PKN2: variants seen among roughly 807,000 people sequenced by gnomAD.
PKN2 encodes serine/threonine-protein kinase N2.
In PKN2, 38 loss-of-function variants were observed where a neutral mutation model predicts 119.1. The ratio of observed to expected loss-of-function variants is 0.32; its 90% CI spans 0.25 to 0.42. The LOEUF (loss-of-function observed/expected upper bound fraction) is 0.42, where lower values mean the gene tolerates loss of function less well. Among genes scored for constraint, PKN2 ranks in the 10% least tolerant of loss-of-function variants. The probability of loss-of-function intolerance (pLI) is 1.00; values close to 1 mark genes in which losing one functional copy is unlikely to be tolerated. For missense variants in PKN2, 850 were observed against 1,165.1 expected, an observed-to-expected ratio of 0.73 and a Z score of 3.94; for synonymous variants, 390 against 384.9, an observed-to-expected ratio of 1.01 and a Z score of -0.15.
Position 88,735,262 on chromosome 1 carries a change from G to T in PKN2, c.49-5726G>T, listed in dbSNP as rs529392379. Among the ~76,000 whole-genome samples, 163 of 152,176 alleles carry T rather than the reference G, an allele frequency of 1.1e-3. No individual in the cohort carries two copies. In the South Asian group the frequency reaches 0.011, roughly 10 times the overall value. On this transcript the variant is annotated intron_variant, in intron 1 of 21. Transcript: ENST00000370521. ...CAGTCTTGATCTCATGGACTTGAAT[G>T]ATCCTCCCACCCCAGCCTCCCAAGT... is the stretch of plus-strand genomic sequence containing the variant.
rs1185269021 is a variant in PKN2 at position 88,835,927 on chromosome 1, T to C, written c.*2479T>C. 1 of 152,134 alleles carries C rather than the reference T, an allele frequency of 6.6e-6. No individual in the cohort carries two copies. Among genetic ancestry groups the C allele is most frequent in the Non-Finnish European group, 1.5e-5 (1 of 67,994 alleles). The allele number at this position is 152,134 out of a possible 1,614,324, so 9.4% of individuals were successfully genotyped here. A position where few individuals can be genotyped will look rare whatever the true frequency, so the allele number is the denominator to read the frequency against. On this transcript the variant is annotated 3_prime_UTR_variant, in exon 22 of 22. Coordinates refer to ENST00000370521, the MANE Select transcript of PKN2 (RefSeq NM_006256.4). ...TAATAAACATTCTTGCAAGTACTTTTTGTCCTAGTGAAGGCTTAAAACCAT... is the reference window on the plus strand; with the variant it reads ...TAATAAACATTCTTGCAAGTACTTTCTGTCCTAGTGAAGGCTTAAAACCAT...
intron 12 of PKN2, 36 bp from the exon 13 acceptor site, chr1:88,807,277 A>AT: frequency 7.6e-7 from 1 of 1,317,070 alleles, no homozygotes; most frequent in South Asian, 1.5e-5. Context: ...TTTTCTGGGT[A>AT]TTTCTATGGA....
chr1:88,740,950 C>T, intron 1 of PKN2, 38 bp from the exon 2 acceptor site: 2 of 1,438,062 alleles, frequency 1.4e-6, no homozygotes. Flanking sequence ...AGCCAACTCT[C>T]CTAAACTCCC....
intron 20 of PKN2, 84 bp downstream of exon 20, chr1:88,832,935 A>G: frequency 8.3e-7 from 1 of 1,211,192 alleles, no homozygotes; most frequent in Non-Finnish European, 1.2e-6. Context: ...AGAACTTTAA[A>G]AGCTGTTTTT....
intron 2 of PKN2, among the ~76,000 whole-genome samples, chr1:88,753,999 C>A (rs1040563763): frequency 6.7e-6 from 1 of 150,332 alleles, no homozygotes; most frequent in Admixed American, 6.6e-5. Flanking sequence ...TTGAAGGTAC[C>A]CTTTTCTGAC....
intron 17 of PKN2, among the ~76,000 whole-genome samples, chr1:88,822,411 T>C (rs572306781): frequency 3.9e-5 from 6 of 152,238 alleles, no homozygotes; most frequent in Admixed American, 6.5e-5. Flanking sequence ...AGAAGCCTTA[T>C]TGTCAACTGA....
At position 88,763,492 on chromosome 1, in the gene PKN2, A is replaced by G. The variant is rs2100786666; in HGVS notation, c.504+3116A>G. ...CATGGTGGTGCATGCCTGTAATCCC[A>G]GCTACTTGGGAGACTGAGGCAAGAG... On this transcript the variant is annotated intron_variant, in intron 3 of 21. Coordinates refer to ENST00000370521, the MANE Select transcript of PKN2 (RefSeq NM_006256.4). Among the ~76,000 whole-genome samples, 2 of 151,960 alleles carry G rather than the reference A, an allele frequency of 1.3e-5. 1 individual carries two copies. Among genetic ancestry groups the G allele is most frequent in the South Asian group, 4.2e-4 (2 of 4,816 alleles).
At chr1:88,742,024 T>A (rs544529517) in intron 2 of PKN2, among the ~76,000 whole-genome samples, 3 of 152,080 alleles carry the variant, frequency 2.0e-5, no homozygotes, top group Non-Finnish European at 4.4e-5. Context: ...AGATAAAAAA[T>A]TCTATATTTG....
intron 2 of PKN2, among the ~76,000 whole-genome samples, chr1:88,748,853 T>C (rs1668876443): frequency 6.6e-6 from 1 of 152,146 alleles, no homozygotes; most frequent in Non-Finnish European, 1.5e-5. Flanking sequence ...GAGTATTACT[T>C]GAGCCTGAGA....
In PKN2 at chr1:88,759,272, A is replaced by G. The variant is rs563434030; in HGVS notation, c.350-950A>G. Among the ~76,000 whole-genome samples, 4 of 152,298 alleles carry G rather than the reference A, an allele frequency of 2.6e-5. No homozygotes were observed. The East Asian group carries it at 5.8e-4, about 22-fold the overall frequency. ...CAGCTATTCAGGAGGCTGAGGCAGGAGAATCGCTTGAACCTGGGAGGCAGA... is the reference window on the plus strand; with the variant it reads ...CAGCTATTCAGGAGGCTGAGGCAGGGGAATCGCTTGAACCTGGGAGGCAGA... On this transcript the variant is annotated intron_variant, in intron 2 of 21. Coordinates refer to ENST00000370521, the MANE Select transcript of PKN2 (RefSeq NM_006256.4).
chr1:88,822,682 G>A (rs1268537548), intron 17 of PKN2, among the ~76,000 whole-genome samples: 3 of 150,944 alleles, frequency 2.0e-5, no homozygotes, highest in African/African-American at 2.4e-5. Context: ...GGGTTCAAGC[G>A]ATTCTCCTGC....
rs558748803 is a variant in PKN2 at position 88,698,481 on chromosome 1, A to G, written c.48+13853A>G. Among the ~76,000 whole-genome samples the G allele has an allele frequency of 1.3e-3, 205 of 152,350 alleles. 1 individual carries two copies. Among genetic ancestry groups the G allele is most frequent in the Non-Finnish European group, 1.9e-3 (128 of 68,024 alleles). On this transcript the variant is annotated intron_variant, in intron 1 of 21. Transcript: ENST00000370521. ...ATTAATGTTAGCACTTGGTGAAGTCAATTCTGGAAGGACCTAGACTTCGCC... is the reference window on the plus strand; with the variant it reads ...ATTAATGTTAGCACTTGGTGAAGTCGATTCTGGAAGGACCTAGACTTCGCC...
chr1:88,778,312 A>G (rs1428116852), intron 6 of PKN2, among the ~76,000 whole-genome samples: 8 of 152,238 alleles, frequency 5.3e-5, no homozygotes, highest in African/African-American at 1.9e-4. Context: ...TGGTGTTTCA[A>G]CAGACATTTC....
chr1:88,735,598 G>GCC (rs1192390039), intron 1 of PKN2, among the ~76,000 whole-genome samples: 187 of 11,996 alleles, frequency 0.016, 2 homozygotes, highest in Middle Eastern at 0.045. Flanking sequence ...TTGGTTGACA[G>GCC]CCCACCCCCC....
chr1:88,786,494 T>G (rs1670581126), intron 8 of PKN2, among the ~76,000 whole-genome samples: 1 of 152,238 alleles, frequency 6.6e-6, no homozygotes, highest in Non-Finnish European at 1.5e-5. Flanking sequence ...AGCATATTGG[T>G]GATCTTAATG....
chr1:88,734,564 A>G (rs921463646), intron 1 of PKN2, among the ~76,000 whole-genome samples: 5 of 152,112 alleles, frequency 3.3e-5, no homozygotes, highest in Non-Finnish European at 7.4e-5. Flanking sequence ...TGTCTTTTTT[A>G]TACCAGTAGC....
chr1:88,806,248 G>A (rs1374133916), intron 12 of PKN2: 6 of 442,502 alleles, frequency 1.4e-5, no homozygotes, highest in South Asian at 2.4e-5. Flanking sequence ...TCCGCCTCCC[G>A]GATTCAAGCG....
intron 18 of PKN2, among the ~76,000 whole-genome samples, chr1:88,826,577 C>T (rs1672509349): frequency 6.6e-6 from 1 of 152,046 alleles, no homozygotes. Context: ...ATCATCCACC[C>T]CCCTTCCACC....
At chr1:88,726,988 C>T (rs760784232) in intron 1 of PKN2, among the ~76,000 whole-genome samples, 2 of 151,958 alleles carry the variant, frequency 1.3e-5, no homozygotes, top group African/African-American at 2.4e-5. Flanking sequence ...TTCTATTCTT[C>T]CTGGTTTTCT....
Sources: allele counts gnomAD v4.1 joint callset (sites outside exome capture counted in the v4.1 genomes callset), GRCh38; gene constraint gnomAD v4.1.1; transcripts MANE v1.5; gene names NCBI Gene and HGNC (gene_info 2026-07-23, HGNC 2026-07-21).